Variants in TBX21 observed in about 807,000 individuals in gnomAD.
TBX21 encodes T-box transcription factor TBX21.
A neutral mutation model predicts 52.2 loss-of-function variants in TBX21; 11 were observed. The ratio of observed to expected loss-of-function variants is 0.21; its 90% CI spans 0.13 to 0.35. The LOEUF is 0.35. Among genes scored for constraint, TBX21 ranks in the 10% least tolerant of loss-of-function variants. The pLI, the probability that TBX21 is intolerant of heterozygous loss-of-function variation, is 1.00. For synonymous variants in TBX21, 300 were observed against 316.1 expected, an observed-to-expected ratio of 0.95 and a Z score of 0.54; for missense variants, 625 against 755.1, an observed-to-expected ratio of 0.83 and a Z score of 2.02.
At position 47,733,751 on chromosome 17, in the gene TBX21, C is replaced by G; in HGVS notation, c.297C>G (p.Ala99=). ...AGTCCTTCCCGCCGCCCGCGGACGC[C>G]GAGGGCTACCAGCCGGGCGAGGGCT... ...AGESFPPPAD[A]EGYQPGEGYA... The change falls in exon 1 of 6, where the codon GCC becomes GCG. Residue 99 remains alanine, a synonymous_variant. Transcript: ENST00000177694. The surrounding 1 kb of genome is among the most constrained non-coding windows in gnomAD (Gnocchi z 6.6). 1 of 1,462,986 alleles carries G rather than the reference C, an allele frequency of 6.8e-7. No individual in the cohort carries two copies. The highest frequency in any genetic ancestry group is 1.4e-5 in the South Asian group (1 of 73,058). 90.6% of individuals were successfully genotyped at this position (1,462,986 alleles called of 1,614,324 possible).
rs1597986976 is a variant in TBX21 at position 47,745,567 on chromosome 17, G to T, written c.*201G>T. The T allele has an allele frequency of 1.5e-6, 1 of 650,664 alleles. No homozygotes were observed. Among genetic ancestry groups the T allele is most frequent in the Non-Finnish European group, 2.5e-6 (1 of 401,278 alleles). 40.3% of individuals were successfully genotyped at this position (650,664 alleles called of 1,614,324 possible). A position where few individuals can be genotyped will look rare whatever the true frequency, so the allele number is the denominator to read the frequency against. ...TGGCCCACGATGAAACCTGAGAGGGGTGTCCCCTTGCCCCATCCTCTGCCC... is the reference window on the plus strand; with the variant it reads ...TGGCCCACGATGAAACCTGAGAGGGTTGTCCCCTTGCCCCATCCTCTGCCC... On this transcript the variant is annotated 3_prime_UTR_variant, in exon 6 of 6. Coordinates refer to ENST00000177694, the MANE Select transcript of TBX21 (RefSeq NM_013351.2).
At chr17:47,734,097 G>C (rs929993428) in intron 1 of TBX21, 152 bp downstream of exon 1, 2 of 1,356,366 alleles carry the variant, frequency 1.5e-6, no homozygotes, top group Admixed American at 2.1e-5. Flanking sequence ...GTTGTTAGGA[G>C]GACAGGGAAA....
intron 1 of TBX21, among the ~76,000 whole-genome samples, chr17:47,737,646 G>A (rs948062770): frequency 6.8e-6 from 1 of 147,966 alleles, no homozygotes; most frequent in Non-Finnish European, 1.5e-5. Flanking sequence ...TTTTTTTTGA[G>A]ATGGAGTCTC....
chr17:47,733,914 C>G lies in TBX21; in HGVS notation c.460C>G (p.Gln154Glu). Residue 154 changes from glutamine to glutamate, a missense_variant, in exon 1 of 6, where the codon CAG (glutamine) becomes GAG (glutamate). This residue lies in a region of TBX21 where 142 missense variants were observed against 258.5 expected (regional missense o/e 0.55). Transcript: ENST00000177694. The surrounding 1 kb of genome is among the most constrained non-coding windows in gnomAD (Gnocchi z 6.6). ...GTTGTGGTCCAAGTTTAATCAGCACCAGACAGAGATGATCATCACCAAGCA... is the reference window on the plus strand; with the variant it reads ...GTTGTGGTCCAAGTTTAATCAGCACGAGACAGAGATGATCATCACCAAGCA... ...HLLWSKFNQH[Q>E]TEMIITKQGR... 1 of 1,613,656 alleles carries G rather than the reference C, an allele frequency of 6.2e-7. No individual in the cohort carries two copies. Among genetic ancestry groups the G allele is most frequent in the Non-Finnish European group, 8.5e-7 (1 of 1,179,852 alleles).
chr17:47,743,315 A>G (rs759779332), intron 3 of TBX21, 123 bp downstream of exon 3: 6 of 1,373,420 alleles, frequency 4.4e-6, no homozygotes, highest in Non-Finnish European at 5.9e-6. Context: ...TACAGGAAGG[A>G]AGGTTCGTTT....
In TBX21 at chr17:47,744,242, C is replaced by T. The variant is rs775935049; in HGVS notation, c.816C>T (p.Ile272=). 1.5e-5 allele frequency: 25 copies of T among 1,614,108 alleles called. No homozygotes were observed. The highest frequency in any genetic ancestry group is 3.3e-5 in the Admixed American group (2 of 60,010). The change falls in exon 4 of 6, where the codon ATC becomes ATT. Residue 272 remains isoleucine (I), a synonymous_variant. Transcript: ENST00000177694. ...SLHKYQPRLH[I]VEVNDGEPEA... Reference sequence around the variant, plus strand: ...ATAAGTACCAGCCCCGGCTGCATATCGTTGAGGTGAACGACGGAGAGCCAG... The same window carrying T: ...ATAAGTACCAGCCCCGGCTGCATATTGTTGAGGTGAACGACGGAGAGCCAG...
At position 47,733,708 on chromosome 17, in the gene TBX21, G is replaced by C; in HGVS notation, c.254G>C (p.Gly85Ala). ...YAYPPRPQAA[G>A]FPGAGESFPP... is the part of the protein sequence containing the mutation. ...TACCCGCCGCGACCCCAGGCGGCCG[G>C]CTTCCCCGGCGCGGGCGAGTCCTTC... The change falls in exon 1 of 6, where the codon GGC becomes GCC. Residue 85 changes from glycine to alanine, a missense_variant. Physicochemically the swap from Gly to Ala is moderately conservative, Grantham distance 60. This residue lies in a region of TBX21 where 221 missense variants were observed against 204.9 expected (regional missense o/e 1.08). Transcript: ENST00000177694. The surrounding 1 kb of genome is among the most constrained non-coding windows in gnomAD (Gnocchi z 6.6). 1 of 1,418,032 alleles carries C rather than the reference G, an allele frequency of 7.1e-7. No individual in the cohort carries two copies. The highest frequency in any genetic ancestry group is 9.2e-7 in the Non-Finnish European group (1 of 1,086,606). 87.8% of individuals were successfully genotyped at this position (1,418,032 alleles called of 1,614,324 possible).
rs1193978191 is a variant in TBX21, at chr17:47,745,356, T to G, written c.1598T>G (p.Phe533Cys). 1.3e-6 allele frequency: 2 copies of G among 1,599,070 alleles called. No homozygotes were observed. The highest frequency in any genetic ancestry group is 2.7e-5 in the African/African-American group (2 of 74,344). The part of the protein sequence containing the change: ...KEAEGQFYNY[F>C]PN ...GCTGAAGGACAGTTTTATAACTATT[T>G]TCCCAACTGAGCAGATGACATGATG... Residue 533 changes from phenylalanine (F) to cysteine (C), a missense_variant, in exon 6 of 6, where the codon TTT becomes TGT. Coordinates refer to ENST00000177694, the MANE Select transcript of TBX21 (RefSeq NM_013351.2).
Position 47,744,232 on chromosome 17 carries a change from G to A in TBX21, c.806G>A (p.Arg269Gln), listed in dbSNP as rs1388614994. 1.2e-6 allele frequency: 2 copies of A among 1,614,070 alleles called. No individual in the cohort carries two copies. Among genetic ancestry groups the A allele is most frequent in the African/African-American group, 1.3e-5 (1 of 74,908 alleles). ...CAGTCCCTCCATAAGTACCAGCCCC[G>A]GCTGCATATCGTTGAGGTGAACGAC... ...VLQSLHKYQP[R>Q]LHIVEVNDGE... The change falls in exon 4 of 6, where the codon CGG becomes CAG. Residue 269 changes from arginine (R) to glutamine (Q), a missense_variant. Arg to Gln is a conservative substitution (Grantham distance 43). Transcript: ENST00000177694.
At position 47,742,997 on chromosome 17, in the gene TBX21, C is replaced by T. The variant is rs1479382909; in HGVS notation, c.647-74C>T. ...CCTGTGTCCTTCCTTACGTCCCTCT[C>T]GGGACAGGCAAAGCCCTACATCACC... On this transcript the variant is annotated intron_variant, in intron 2 of 5. Transcript: ENST00000177694. The surrounding 1 kb of genome is among the most constrained non-coding windows in gnomAD (Gnocchi z 4.4). The T allele has an allele frequency of 1.0e-5, 16 of 1,583,372 alleles. No homozygotes were observed. In the East Asian group the frequency reaches 1.6e-4, roughly 16 times the overall value.
chr17:47,745,324 T>A lies in TBX21; in HGVS notation c.1566T>A (p.Asp522Glu). 6.2e-7 allele frequency: 1 copy of A among 1,610,032 alleles called. No homozygotes were observed. The highest frequency in any genetic ancestry group is 8.5e-7 in the Non-Finnish European group (1 of 1,178,832). ...CTGCTGGGGCCCCTTCTCCTTTTGA[T>A]AAGGAAGCTGAAGGACAGTTTTATA... ...SSPAGAPSPF[D>E]KEAEGQFYNY... Residue 522 changes from aspartate to glutamate, a missense_variant, in exon 6 of 6, where the codon GAT becomes GAA. Asp to Glu is a conservative substitution (Grantham distance 45). Transcript: ENST00000177694.
rs141056088 is a variant in TBX21 at position 47,744,293 on chromosome 17, G to A, written c.867G>A (p.Thr289=). Residue 289 remains threonine, a synonymous_variant, in exon 4 of 6, where the codon ACG becomes ACA. Transcript: ENST00000177694. The part of the protein sequence containing the change: ...EPEAACNASN[T]HIFTFQETQF... ...AGGCAGCCTGCAACGCTTCCAACAC[G>A]CATATCTTTACTTTCCAAGAAACCC... is the stretch of plus-strand genomic sequence containing the variant. 30 of 1,614,088 alleles carry A rather than the reference G, an allele frequency of 1.9e-5. No homozygotes were observed. The highest frequency in any genetic ancestry group is 2.4e-5 in the Non-Finnish European group (28 of 1,180,046).
Position 47,744,282 on chromosome 17 carries a change from G to C in TBX21, c.856G>C (p.Ala286Pro), listed in dbSNP as rs781587611. 3.7e-6 allele frequency: 6 copies of C among 1,614,076 alleles called. No individual in the cohort carries two copies. The highest frequency in any genetic ancestry group is 3.3e-4 in the Middle Eastern group (2 of 6,084). The stretch of plus-strand genomic sequence containing the variant: ...CGGAGAGCCAGAGGCAGCCTGCAAC[G>C]CTTCCAACACGCATATCTTTACTTT... ...NDGEPEAACN[A>P]SNTHIFTFQE... The change falls in exon 4 of 6, where the codon GCT (alanine) becomes CCT (proline). Residue 286 changes from alanine (A) to proline (P), a missense_variant. Transcript: ENST00000177694.
At position 47,745,479 on chromosome 17, in the gene TBX21, T is replaced by C; in HGVS notation, c.*113T>C. ...GCCCCCGCTCCCTCTGGCCCTTCTCTGTTTAGTAGTTGGTTGGGGAAGTGG... is the reference window on the plus strand; with the variant it reads ...GCCCCCGCTCCCTCTGGCCCTTCTCCGTTTAGTAGTTGGTTGGGGAAGTGG... On this transcript the variant is annotated 3_prime_UTR_variant, in exon 6 of 6. Coordinates refer to ENST00000177694, the MANE Select transcript of TBX21 (RefSeq NM_013351.2). The C allele has an allele frequency of 7.0e-7, 1 of 1,430,978 alleles. No individual in the cohort carries two copies. The highest frequency in any genetic ancestry group is 1.4e-5 in the African/African-American group (1 of 70,392). The allele number at this position is 1,430,978 out of a possible 1,614,324, so 88.6% of individuals were successfully genotyped here.
At chr17:47,736,270 G>T (rs2032206004) in intron 1 of TBX21, among the ~76,000 whole-genome samples, 1 of 152,032 alleles carries the variant, frequency 6.6e-6, no homozygotes, top group South Asian at 2.1e-4. Flanking sequence ...GTCAATATGG[G>T]TCCAATCTTG....
Position 47,742,554 on chromosome 17 carries a change from G to A in TBX21, c.492-56G>A. ...GATGCCTGGGCACTGTTGCAGGGGGGACTGGCTGTCAAGCTGGAGCTGATG... is the reference window on the plus strand; with the variant it reads ...GATGCCTGGGCACTGTTGCAGGGGGAACTGGCTGTCAAGCTGGAGCTGATG... On this transcript the variant is annotated intron_variant, in intron 1 of 5. Transcript: ENST00000177694. This position sits in a 1 kb window ranked among gnomAD's most constrained non-coding sequence, Gnocchi z 4.4. 1 of 1,524,558 alleles carries A rather than the reference G, an allele frequency of 6.6e-7. No individual in the cohort carries two copies. Among genetic ancestry groups the A allele is most frequent in the Non-Finnish European group, 8.8e-7 (1 of 1,131,204 alleles). 94.4% of individuals were successfully genotyped at this position (1,524,558 alleles called of 1,614,324 possible). A position where few individuals can be genotyped will look rare whatever the true frequency, so the allele number is the denominator to read the frequency against.
intron 1 of TBX21, among the ~76,000 whole-genome samples, chr17:47,734,452 C>T (rs2032179802): frequency 1.3e-5 from 2 of 151,524 alleles, no homozygotes; most frequent in Non-Finnish European, 2.9e-5. Context: ...GTGGTGGTAG[C>T]GGTGGTGGTG....
chr17:47,744,246 G>A lies in TBX21; in HGVS notation c.820G>A (p.Glu274Lys), dbSNP rs2032302433. Residue 274 changes from glutamate (E) to lysine (K), a missense_variant, in exon 4 of 6, where the codon GAG (glutamate) becomes AAG (lysine). Glu to Lys is a moderately conservative substitution (Grantham distance 56, BLOSUM62 1). Around this residue, in one of 4 missense-constraint regions of TBX21, gnomAD observed 142 missense variants for 258.5 expected, o/e 0.55. Transcript: ENST00000177694. ...HKYQPRLHIV[E>K]VNDGEPEAAC... ...GTACCAGCCCCGGCTGCATATCGTT[G>A]AGGTGAACGACGGAGAGCCAGAGGC... The A allele has an allele frequency of 6.2e-7, 1 of 1,614,214 alleles. No individual in the cohort carries two copies. Among genetic ancestry groups the A allele is most frequent in the Non-Finnish European group, 8.5e-7 (1 of 1,180,038 alleles).
rs1346308185 is a variant in TBX21 at position 47,733,751 on chromosome 17, C to T, written c.297C>T (p.Ala99=). 11 of 1,462,874 alleles carry T rather than the reference C, an allele frequency of 7.5e-6. No individual in the cohort carries two copies. Among genetic ancestry groups the T allele is most frequent in the Non-Finnish European group, 9.9e-6 (11 of 1,112,174 alleles). 90.6% of individuals were successfully genotyped at this position (1,462,874 alleles called of 1,614,324 possible). ...AGESFPPPAD[A]EGYQPGEGYA... ...AGTCCTTCCCGCCGCCCGCGGACGCCGAGGGCTACCAGCCGGGCGAGGGCT... is the reference window on the plus strand; with the variant it reads ...AGTCCTTCCCGCCGCCCGCGGACGCTGAGGGCTACCAGCCGGGCGAGGGCT... Residue 99 remains alanine, a synonymous_variant, in exon 1 of 6, where the codon GCC becomes GCT. Coordinates refer to ENST00000177694, the MANE Select transcript of TBX21 (RefSeq NM_013351.2). This position sits in a 1 kb window ranked among gnomAD's most constrained non-coding sequence, Gnocchi z 6.6.
Sources: gnomAD v4.1 joint callset for allele counts (sites outside exome capture counted in the v4.1 genomes callset) on GRCh38, gnomAD v4.1.1 for gene constraint, gnomAD v4.1.1 regional missense constraint, Gnocchi (gnomAD v3.1) non-coding constraint, MANE v1.5 for transcripts, NCBI Gene and HGNC (gene_info 2026-07-23, HGNC 2026-07-21) for gene names.